Variants in CACNA1C observed in about 807,000 individuals in gnomAD.
CACNA1C encodes calcium voltage-gated channel subunit alpha1 C.
In CACNA1C, 30 loss-of-function variants were observed where a neutral mutation model predicts 229.0. That is an observed-to-expected ratio of 0.13 (90% CI 0.10 to 0.18). CACNA1C has a LOEUF of 0.18. Among genes scored for constraint, CACNA1C ranks in the 10% least tolerant of loss-of-function variants. CACNA1C has a pLI of 1.00. For missense variants in CACNA1C, 1,658 were observed against 2,845.0 expected (o/e 0.58, Z 9.49); for synonymous variants, 1,114 against 1,132.5 (o/e 0.98, Z 0.33).
intron 3 of CACNA1C, among the ~76,000 whole-genome samples, chr12:2,418,016 C>T (rs972796466): frequency 6.6e-5 from 10 of 152,144 alleles, no homozygotes; most frequent in African/African-American, 2.4e-4. Context: ...TGTTACTGGG[C>T]TTACATCAAG....
At chr12:2,300,628 A>AAAT (rs978348696) in intron 3 of CACNA1C, among the ~76,000 whole-genome samples, 14 of 152,176 alleles carry the variant, frequency 9.2e-5, no homozygotes, top group African/African-American at 3.4e-4. Flanking sequence ...TTCTCTAAAA[A>AAAT]AATAATAATA....
chr12:2,506,187 C>CA (rs1165759482), intron 8 of CACNA1C, among the ~76,000 whole-genome samples: 2 of 152,184 alleles, frequency 1.3e-5, no homozygotes, highest in Non-Finnish European at 2.9e-5. Context: ...TAGTGCCTTC[C>CA]ATCAGGGATA....
At chr12:2,248,290 A>G (rs1437151900) in intron 3 of CACNA1C, among the ~76,000 whole-genome samples, 2 of 152,212 alleles carry the variant, frequency 1.3e-5, no homozygotes, top group Non-Finnish European at 2.9e-5. Context: ...CTGACCAGTT[A>G]AGGGGAGGAG....
rs1439561686 is a variant in CACNA1C at position 2,693,134 on chromosome 12, G to T, written c.*1935G>T. 2 of 152,188 alleles carry T rather than the reference G, an allele frequency of 1.3e-5. No individual in the cohort carries two copies. The highest frequency in any genetic ancestry group is 2.9e-5 in the Non-Finnish European group (2 of 68,042). 9.4% of individuals were successfully genotyped at this position (152,188 alleles called of 1,614,324 possible). A position where few individuals can be genotyped will look rare whatever the true frequency, so the allele number is the denominator to read the frequency against. The stretch of plus-strand genomic sequence containing the variant: ...CAATTTTTCCAAAATCGTTTGCTGG[G>T]TATGTTTGTACCGCCTCTTGCTGTG... On this transcript the variant is annotated 3_prime_UTR_variant, in exon 47 of 47. Coordinates refer to ENST00000399655, the MANE Select transcript of CACNA1C (RefSeq NM_000719.7).
At chr12:2,371,394 G>T (rs934841385) in intron 3 of CACNA1C, among the ~76,000 whole-genome samples, 3 of 152,136 alleles carry the variant, frequency 2.0e-5, no homozygotes, top group Admixed American at 2.0e-4. Context: ...GAAAGAAGGC[G>T]TTGAAGGGGC....
chr12:1,974,701 A>G (rs2033741699), intron 1 of CACNA1C, among the ~76,000 whole-genome samples: 1 of 152,164 alleles, frequency 6.6e-6, no homozygotes, highest in African/African-American at 2.4e-5. Flanking sequence ...TGATAATGGC[A>G]ATCCCAAGCT....
chr12:2,226,342 A>G (rs1318520038), intron 3 of CACNA1C, among the ~76,000 whole-genome samples: 2 of 152,226 alleles, frequency 1.3e-5, no homozygotes, highest in African/African-American at 2.4e-5. Flanking sequence ...CCCATTGTAC[A>G]TAAAAGGAAA....
rs73243546 is a variant in CACNA1C at position 2,626,031 on chromosome 12, G to A, written c.3829-8266G>A. On this transcript the variant is annotated intron_variant, in intron 29 of 46. Transcript: ENST00000399655. The stretch of plus-strand genomic sequence containing the variant: ...TTCCCATGTTGCAGGTAGGGAAGCT[G>A]AGGCACAGAGAAGTTAGGTAACCTG... Among the ~76,000 whole-genome samples, 1,307 of 152,372 alleles carry A rather than the reference G, an allele frequency of 8.6e-3. 26 individuals carry two copies. Among genetic ancestry groups the A allele is most frequent in the African/African-American group, 0.03 (1,261 of 41,582 alleles).
In CACNA1C at chr12:2,348,470, C is replaced by A. The variant is rs952126745; in HGVS notation, c.478-100506C>A. Among the ~76,000 whole-genome samples, 3 of 152,226 alleles carry A rather than the reference C, an allele frequency of 2.0e-5. No homozygotes were observed. The highest frequency in any genetic ancestry group is 6.5e-5 in the Admixed American group (1 of 15,288). On this transcript the variant is annotated intron_variant, in intron 3 of 46. Transcript: ENST00000399655. This position sits in a 1 kb window ranked among gnomAD's most constrained non-coding sequence, Gnocchi z 4.7. Reference sequence around the variant, plus strand: ...CCTTTCCCGTTGGCGTGTATGGTGTCTTCTCGCTGAGCCACAGCACCTGGT... The same window carrying A: ...CCTTTCCCGTTGGCGTGTATGGTGTATTCTCGCTGAGCCACAGCACCTGGT...
intron 28 of CACNA1C, 62 bp downstream of exon 28, chr12:2,610,761 AGT>A: frequency 6.4e-7 from 1 of 1,562,178 alleles, no homozygotes; most frequent in South Asian, 1.1e-5. Context: ...GGGGATGGAA[AGT>A]GTAACGGAGC....
chr12:2,183,930 T>C (rs1430751241), intron 3 of CACNA1C, among the ~76,000 whole-genome samples: 2 of 152,238 alleles, frequency 1.3e-5, no homozygotes, highest in Non-Finnish European at 2.9e-5. Context: ...TAAAATCTGT[T>C]ATGAATTATA....
intron 1 of CACNA1C, among the ~76,000 whole-genome samples, chr12:1,994,395 AG>A (rs2040291160): frequency 6.6e-6 from 1 of 152,252 alleles, no homozygotes; most frequent in African/African-American, 2.4e-5. Flanking sequence ...CAAGGAACAC[AG>A]CTACATAACC....
At chr12:2,273,896 T>A (rs2086411299) in intron 3 of CACNA1C, among the ~76,000 whole-genome samples, 1 of 152,204 alleles carries the variant, frequency 6.6e-6, no homozygotes, top group African/African-American at 2.4e-5. Flanking sequence ...GTGTGCAGGC[T>A]GTGCCCCTGA....
rs765581751 is a variant in CACNA1C, at chr12:2,549,972, G to T, written c.1420G>T (p.Val474Phe). The T allele has an allele frequency of 3.0e-5, 49 of 1,607,074 alleles. No homozygotes were observed. Among genetic ancestry groups the T allele is most frequent in the Non-Finnish European group, 4.0e-5 (47 of 1,176,798 alleles). The change falls in exon 10 of 47, where the codon GTC becomes TTC. Residue 474 changes from valine (V) to phenylalanine (F), a missense_variant. Transcript: ENST00000399655. ...MSMPTSETES[V>F]NTENVAGGDI... ...CATGCCCACCAGTGAGACCGAGTCC[G>T]TCAACACCGAAAACGTGGCTGGAGG...
chr12:2,365,718 A>G (rs1316655414), intron 3 of CACNA1C, among the ~76,000 whole-genome samples: 2 of 152,252 alleles, frequency 1.3e-5, no homozygotes, highest in African/African-American at 4.8e-5. Context: ...CAGGAGACCA[A>G]ATATGCTTGA....
chr12:2,256,262 T>G (rs935884182), intron 3 of CACNA1C, among the ~76,000 whole-genome samples: 4 of 152,180 alleles, frequency 2.6e-5, no homozygotes, highest in African/African-American at 9.7e-5. Context: ...ACATATTAAA[T>G]TTTGAGAACT....
intron 9 of CACNA1C, among the ~76,000 whole-genome samples, chr12:2,538,515 C>T (rs1033787037): frequency 1.3e-5 from 2 of 152,146 alleles, no homozygotes; most frequent in African/African-American, 2.4e-5. Flanking sequence ...TTTGCCATTC[C>T]TTTCCTTTCT....
chr12:2,593,796 GATAT>G (rs1475694627), intron 19 of CACNA1C, among the ~76,000 whole-genome samples: 3 of 152,110 alleles, frequency 2.0e-5, no homozygotes, highest in Non-Finnish European at 4.4e-5. Context: ...TGTGTGTTTG[GATAT>G]ATGTACACCT....
At chr12:2,404,410 C>G (rs2098713103) in intron 3 of CACNA1C, among the ~76,000 whole-genome samples, 1 of 152,184 alleles carries the variant, frequency 6.6e-6, no homozygotes, top group African/African-American at 2.4e-5. Context: ...CTTAGGAGCC[C>G]CGCACCCAAG....
Sources: gnomAD v4.1 joint callset for allele counts (sites outside exome capture counted in the v4.1 genomes callset) on GRCh38, gnomAD v4.1.1 for gene constraint, Gnocchi (gnomAD v3.1) non-coding constraint, MANE v1.5 for transcripts, NCBI Gene and HGNC (gene_info 2026-07-23, HGNC 2026-07-21) for gene names.